CCDC150: variants seen among roughly 807,000 people sequenced by gnomAD.
The protein encoded by CCDC150 is coiled-coil domain-containing protein 150.
A neutral mutation model predicts 156.5 loss-of-function variants in CCDC150; 151 were observed. The ratio of observed to expected loss-of-function variants is 0.97; its 90% confidence interval spans 0.85 to 1.10. The LOEUF (loss-of-function observed/expected upper bound fraction) is 1.10. Ranked by LOEUF, CCDC150 falls within the 50% of genes least tolerant of loss-of-function variation. The pLI is 0.00. For missense variants in CCDC150, 1,312 were observed against 1,268.1 expected (o/e 1.03, Z -0.53); for synonymous variants, 452 against 429.4 (o/e 1.05, Z -0.65).
intron 7 of CCDC150, among the ~76,000 whole-genome samples, chr2:196,668,295 T>TAAA (rs55945331): frequency 6.5e-5 from 6 of 92,250 alleles, no homozygotes; most frequent in African/African-American, 1.6e-4. Context: ...AAACTCCATC[T>TAAA]AAAAAAAAAA....
chr2:196,673,605 G>C (rs1694331767), intron 9 of CCDC150, among the ~76,000 whole-genome samples: 1 of 151,998 alleles, frequency 6.6e-6, no homozygotes, highest in African/African-American at 2.4e-5. Context: ...TGTTCTTGAA[G>C]AACTTGTTTA....
At position 196,730,916 on chromosome 2, in the gene CCDC150, C is replaced by T; in HGVS notation, c.3040C>T (p.Leu1014=). ...KKCKEATENT[L]KEASVESEQI... The stretch of plus-strand genomic sequence containing the variant: ...ATGTAAAGAGGCAACAGAGAATACG[C>T]TGAAAGAAGCCAGTGTGGAATCAGA... The change falls in exon 26 of 28, where the codon CTG becomes TTG. Residue 1014 remains leucine, a synonymous_variant. Transcript: ENST00000389175. The T allele has an allele frequency of 6.2e-7, 1 of 1,600,534 alleles. No individual in the cohort carries two copies. The highest frequency in any genetic ancestry group is 8.5e-7 in the Non-Finnish European group (1 of 1,173,392).
Position 196,677,015 on chromosome 2 carries a change from A to C in CCDC150, c.1441-278A>C, listed in dbSNP as rs888038757. 4.5e-6 allele frequency: 3 copies of C among 670,700 alleles called. No individual in the cohort carries two copies. The African/African-American group carries it at 5.3e-5, about 12-fold the overall frequency. The allele number at this position is 670,700 out of a possible 1,614,324, so 41.5% of individuals were successfully genotyped here. A position where few individuals can be genotyped will look rare whatever the true frequency, so the allele number is the denominator to read the frequency against. ...AGATTTTAAAAATTGATTTCCCCTG[A>C]AGGAGTGGGACAGCGAAGGTTAAGG... On this transcript the variant is annotated intron_variant, in intron 12 of 27. Coordinates refer to ENST00000389175, the MANE Select transcript of CCDC150 (RefSeq NM_001080539.2).
At chr2:196,639,917 C>G in intron 1 of CCDC150, 139 bp downstream of exon 1, 1 of 763,762 alleles carries the variant, frequency 1.3e-6, no homozygotes, top group African/African-American at 1.8e-5. Flanking sequence ...ACCTCAGGGC[C>G]CTGATTTAAG....
chr2:196,715,866 T>G (rs1157051169), intron 17 of CCDC150, among the ~76,000 whole-genome samples: 3 of 152,028 alleles, frequency 2.0e-5, no homozygotes, highest in Non-Finnish European at 4.4e-5. Context: ...TAAATTGGAG[T>G]TTATCAAAAT....
Position 196,695,163 on chromosome 2 carries a change from G to A in CCDC150, c.1623+4G>A, listed in dbSNP as rs201319317. ...AGTCACTTCTGATTACCATGGGGTG[G>A]GTATAAAAAGATCAGTCTAAATAGC... On this transcript the variant is annotated splice_donor_region_variant and intron_variant, in intron 14 of 27. Transcript: ENST00000389175. The A allele has an allele frequency of 5.9e-6, 9 of 1,526,054 alleles. No homozygotes were observed. The highest frequency in any genetic ancestry group is 1.7e-4 in the Middle Eastern group (1 of 5,890). The allele number at this position is 1,526,054 out of a possible 1,614,324, so 94.5% of individuals were successfully genotyped here. A position where few individuals can be genotyped will look rare whatever the true frequency, so the allele number is the denominator to read the frequency against.
At chr2:196,723,240 C>G (rs1363125186) in intron 21 of CCDC150, among the ~76,000 whole-genome samples, 8 of 152,298 alleles carry the variant, frequency 5.3e-5, no homozygotes, top group South Asian at 4.1e-4. Flanking sequence ...CGGTGGCTCA[C>G]ACCTGTAATC....
chr2:196,706,960 G>T (rs573250499), intron 15 of CCDC150, among the ~76,000 whole-genome samples: 1 of 152,286 alleles, frequency 6.6e-6, no homozygotes, highest in East Asian at 1.9e-4. Context: ...AGGGATATTG[G>T]TCTAAAATTC....
chr2:196,712,980 AT>A, intron 17 of CCDC150: 1 of 527,900 alleles, frequency 1.9e-6, no homozygotes, highest in South Asian at 2.9e-5. Flanking sequence ...TAATAAAAGC[AT>A]ATGTAACTTC....
chr2:196,732,570 G>T lies in CCDC150; in HGVS notation c.*8G>T. ...GAGGTACAGAGGAAGTGATGTCCTTGACAAGGGAGCTTCTTTATGTGTAGC... is the reference window on the plus strand; with the variant it reads ...GAGGTACAGAGGAAGTGATGTCCTTTACAAGGGAGCTTCTTTATGTGTAGC... On this transcript the variant is annotated 3_prime_UTR_variant, in exon 28 of 28. Coordinates refer to ENST00000389175, the MANE Select transcript of CCDC150 (RefSeq NM_001080539.2). 2 of 1,566,554 alleles carry T rather than the reference G, an allele frequency of 1.3e-6. No individual in the cohort carries two copies. Among genetic ancestry groups the T allele is most frequent in the South Asian group, 2.2e-5 (2 of 90,090 alleles).
intron 4 of CCDC150, among the ~76,000 whole-genome samples, chr2:196,658,214 T>C (rs1693337649): frequency 6.6e-6 from 1 of 151,958 alleles, no homozygotes. Context: ...TTAGGTCTGA[T>C]CTAGGGTTGT....
intron 5 of CCDC150, among the ~76,000 whole-genome samples, chr2:196,662,917 A>G (rs1054198507): frequency 9.9e-5 from 15 of 151,370 alleles, no homozygotes; most frequent in African/African-American, 3.4e-4. Context: ...CCACAGAGTG[A>G]GATCCTGTCT....
At chr2:196,687,716 G>T (rs899472992) in intron 13 of CCDC150, among the ~76,000 whole-genome samples, 4 of 152,068 alleles carry the variant, frequency 2.6e-5, no homozygotes, top group Non-Finnish European at 5.9e-5. Flanking sequence ...GTCTTCCAGG[G>T]TTTTTATAGT....
chr2:196,651,567 A>G (rs1692876486), intron 2 of CCDC150, among the ~76,000 whole-genome samples: 2 of 151,624 alleles, frequency 1.3e-5, no homozygotes, highest in African/African-American at 4.8e-5. Flanking sequence ...TGACAGTTTT[A>G]TTTTTCTTTT....
chr2:196,712,651 A>G, intron 16 of CCDC150, 26 bp from the exon 17 acceptor site: 4 of 1,585,868 alleles, frequency 2.5e-6, no homozygotes, highest in Non-Finnish European at 3.4e-6. Context: ...TGTGAGGAAC[A>G]AGTATCTTTG....
rs949188429 is a variant in CCDC150, at chr2:196,713,362, T to G, written c.1866+623T>G. On this transcript the variant is annotated intron_variant, in intron 17 of 27. Coordinates refer to ENST00000389175, the MANE Select transcript of CCDC150 (RefSeq NM_001080539.2). ...GTTTTTATTAATAATTGACGATGCC[T>G]CTAAGAAAAAGGAAATCCCCAGAGA... The G allele has an allele frequency of 4.1e-6, 6 of 1,470,788 alleles. No homozygotes were observed. In the African/African-American group the frequency reaches 8.6e-5, roughly 21 times the overall value. 91.1% of individuals were successfully genotyped at this position (1,470,788 alleles called of 1,614,324 possible).
chr2:196,680,685 G>T (rs960940497), intron 13 of CCDC150, among the ~76,000 whole-genome samples: 1 of 152,094 alleles, frequency 6.6e-6, no homozygotes, highest in Admixed American at 6.5e-5. Context: ...GTGAGCATTC[G>T]TATACAATTT....
chr2:196,666,874 C>T (rs765030674), intron 7 of CCDC150, 26 bp downstream of exon 7: 13 of 1,612,624 alleles, frequency 8.1e-6, no homozygotes, highest in Non-Finnish European at 1.1e-5. Flanking sequence ...CTAGAAATCA[C>T]CCTCTTGTTA....
At chr2:196,732,351 T>G (rs1698567215) in intron 27 of CCDC150, 95 bp from the exon 28 acceptor site, 1 of 1,117,002 alleles carries the variant, frequency 9.0e-7, no homozygotes, top group South Asian at 1.4e-5. Flanking sequence ...ATCACTTGTC[T>G]TCATGAATAG....
Sources: allele counts gnomAD v4.1 joint callset (sites outside exome capture counted in the v4.1 genomes callset), GRCh38; gene constraint gnomAD v4.1.1; transcripts MANE v1.5; gene names NCBI Gene and HGNC (gene_info 2026-07-23, HGNC 2026-07-21).